SLC25A27: variants seen among roughly 807,000 people sequenced by gnomAD.
The protein encoded by SLC25A27 is mitochondrial uncoupling protein 4.
Under a neutral mutation model 49.1 loss-of-function variants are expected in SLC25A27, and 35 were observed. That is an observed-to-expected ratio of 0.71 (90% CI 0.54 to 0.95). The LOEUF is 0.95. Ranked by LOEUF, SLC25A27 falls within the 40% of genes least tolerant of loss-of-function variation. The pLI, the probability that SLC25A27 is intolerant of heterozygous loss-of-function variation, is 0.00. For missense variants in SLC25A27, 339 were observed against 397.1 expected (o/e 0.85, Z 1.24); for synonymous variants, 144 against 136.9 (o/e 1.05, Z -0.36).
chr6:46,673,338 C>A (rs191862623), intron 8 of SLC25A27, among the ~76,000 whole-genome samples: 51 of 152,262 alleles, frequency 3.3e-4, no homozygotes, highest in African/African-American at 1.2e-3. Context: ...CATCAAAAGT[C>A]TAAATAGCTT....
At chr6:46,672,668 G>C (rs1381548324) in intron 8 of SLC25A27, among the ~76,000 whole-genome samples, 1 of 152,046 alleles carries the variant, frequency 6.6e-6, no homozygotes, top group African/African-American at 2.4e-5. Flanking sequence ...CCTAAAACGG[G>C]GATCATCTGC....
chr6:46,661,848 A>G (rs901215297), intron 3 of SLC25A27, among the ~76,000 whole-genome samples: 4 of 152,248 alleles, frequency 2.6e-5, no homozygotes, highest in Non-Finnish European at 5.9e-5. Context: ...GGCAAGGGAT[A>G]TAATAAAATA....
rs376523479 is a variant in SLC25A27 at position 46,676,284 on chromosome 6, T to C, written c.901-99T>C. The C allele has an allele frequency of 5.8e-5, 65 of 1,113,742 alleles. No homozygotes were observed. The Middle Eastern group carries it at 1.4e-3, about 25-fold the overall frequency. 69.0% of individuals were successfully genotyped at this position (1,113,742 alleles called of 1,614,324 possible). ...AAATATTTGTTTTCAGCCTAAGTGGTTGCAAAATGACTTTGTCATTCAAAT... is the reference window on the plus strand; with the variant it reads ...AAATATTTGTTTTCAGCCTAAGTGGCTGCAAAATGACTTTGTCATTCAAAT... On this transcript the variant is annotated intron_variant, in intron 8 of 8. Transcript: ENST00000371347.
intron 1 of SLC25A27, chr6:46,653,909 G>A: frequency 1.0e-6 from 1 of 954,020 alleles, no homozygotes; most frequent in Non-Finnish European, 1.2e-6. Context: ...AGGGACTGTG[G>A]ATATATATTT....
intron 1 of SLC25A27, chr6:46,653,837 G>T (rs1762864138): frequency 2.0e-6 from 2 of 985,256 alleles, no homozygotes; most frequent in Non-Finnish European, 2.4e-6. Context: ...AATAATATAT[G>T]ATTGCTAAAC....
At chr6:46,655,295 A>G (rs1318331546) in intron 1 of SLC25A27, among the ~76,000 whole-genome samples, 2 of 152,292 alleles carry the variant, frequency 1.3e-5, no homozygotes, top group Middle Eastern at 3.4e-3. Context: ...CACCCACGAA[A>G]TTATAGAGTT....
chr6:46,653,199 G>A lies in SLC25A27; in HGVS notation c.7G>A (p.Val3Ile), dbSNP rs770393224. Residue 3 changes from valine (V) to isoleucine (I), a missense_variant, in exon 1 of 9, where the codon GTC becomes ATC. Coordinates refer to ENST00000371347, the MANE Select transcript of SLC25A27 (RefSeq NM_004277.5). ...CGTCTTGCGCTACTGCTGAATGTCCGTCCCGGAGGAGGAGGAGAGGCTTTT... is the reference window on the plus strand; with the variant it reads ...CGTCTTGCGCTACTGCTGAATGTCCATCCCGGAGGAGGAGGAGAGGCTTTT... The part of the protein sequence containing the change: MS[V>I]PEEEERLLPL... The A allele has an allele frequency of 6.2e-7, 1 of 1,613,294 alleles. No individual in the cohort carries two copies. Among genetic ancestry groups the A allele is most frequent in the South Asian group, 1.1e-5 (1 of 90,972 alleles).
chr6:46,653,057 A>G lies in SLC25A27; in HGVS notation c.-136A>G, dbSNP rs1411341229. The G allele has an allele frequency of 6.2e-6, 5 of 805,936 alleles. No individual in the cohort carries two copies. Among genetic ancestry groups the G allele is most frequent in the Non-Finnish European group, 1.0e-5 (5 of 502,146 alleles). The allele number at this position is 805,936 out of a possible 1,614,324, so 49.9% of individuals were successfully genotyped here. ...GGAAGGTTGCGGGTCCACCCGGCCG[A>G]GCCGAACGAGGGAAATGGTCCTCAC... On this transcript the variant is annotated 5_prime_UTR_variant, in exon 1 of 9. Coordinates refer to ENST00000371347, the MANE Select transcript of SLC25A27 (RefSeq NM_004277.5).
chr6:46,653,169 G>T lies in SLC25A27; in HGVS notation c.-24G>T, dbSNP rs757257995. ...GCAGCGCAGCGGCGAGAAGGAGTGC[G>T]TTATCGTCTTGCGCTACTGCTGAAT... On this transcript the variant is annotated 5_prime_UTR_variant, in exon 1 of 9. Transcript: ENST00000371347. The T allele has an allele frequency of 1.2e-6, 2 of 1,602,778 alleles. No individual in the cohort carries two copies. Among genetic ancestry groups the T allele is most frequent in the South Asian group, 1.1e-5 (1 of 90,030 alleles).
At chr6:46,660,109 A>G (rs1582500418) in intron 3 of SLC25A27, among the ~76,000 whole-genome samples, 1 of 152,100 alleles carries the variant, frequency 6.6e-6, no homozygotes, top group Non-Finnish European at 1.5e-5. Flanking sequence ...AAGATCTGCA[A>G]TATCTGGCCT....
At chr6:46,655,531 G>GTT (rs1283936753) in intron 1 of SLC25A27, among the ~76,000 whole-genome samples, 11 of 98,548 alleles carry the variant, frequency 1.1e-4, no homozygotes, top group African/African-American at 3.0e-4. Context: ...TATTGTTAAT[G>GTT]TTTGTTTTTT....
In SLC25A27 at chr6:46,671,141, A is replaced by G; in HGVS notation, c.813A>G (p.Lys271=). The G allele has an allele frequency of 1.9e-6, 3 of 1,599,586 alleles. No individual in the cohort carries two copies. Among genetic ancestry groups the G allele is most frequent in the Non-Finnish European group, 2.6e-6 (3 of 1,174,138 alleles). ...RDKQGRGLLY[K]SSTDCLIQAV... ...TCCTTTTTAGGGGACTTTTGTATAA[A>G]TCATCGACTGACTGCTTGATTCAGG... Residue 271 remains lysine, a synonymous_variant, in exon 8 of 9, where the codon AAA becomes AAG. Transcript: ENST00000371347.
chr6:46,673,068 C>T (rs1763615633), intron 8 of SLC25A27, among the ~76,000 whole-genome samples: 1 of 152,162 alleles, frequency 6.6e-6, no homozygotes, highest in South Asian at 2.1e-4. Context: ...ATAAACCAGG[C>T]ACTGTTATAA....
rs771185152 is a variant in SLC25A27 at position 46,677,743 on chromosome 6, CA to C, written c.*1290del. The C allele has an allele frequency of 3.3e-5, 5 of 152,364 alleles. No individual in the cohort carries two copies. The highest frequency in any genetic ancestry group is 7.4e-5 in the Non-Finnish European group (5 of 68,016). The allele number at this position is 152,364 out of a possible 1,614,324, so 9.4% of individuals were successfully genotyped here. The stretch of plus-strand genomic sequence containing the variant: ...TTAACACAGAAAAACATGAAAAGCT[CA>C]GGCCCAAGAAAGGCCTTGGAGCCAG... On this transcript the variant is annotated 3_prime_UTR_variant, in exon 9 of 9. Transcript: ENST00000371347.
At chr6:46,655,531 G>GTTTTTTTTTTTTTT (rs1283936753) in intron 1 of SLC25A27, among the ~76,000 whole-genome samples, 5 of 98,548 alleles carry the variant, frequency 5.1e-5, no homozygotes, top group African/African-American at 1.1e-4. Context: ...TATTGTTAAT[G>GTTTTTTTTTTTTTT]TTTGTTTTTT....
intron 4 of SLC25A27, 83 bp downstream of exon 4, chr6:46,662,581 C>G: frequency 7.1e-7 from 1 of 1,406,306 alleles, no homozygotes; most frequent in East Asian, 2.3e-5. Flanking sequence ...GAATTATCAT[C>G]CAGTATGCAG....
Position 46,664,848 on chromosome 6 carries a change from T to G in SLC25A27, c.581T>G (p.Val194Gly). The G allele has an allele frequency of 6.2e-7, 1 of 1,606,854 alleles. No individual in the cohort carries two copies. Among genetic ancestry groups the G allele is most frequent in the South Asian group, 1.1e-5 (1 of 89,858 alleles). Residue 194 changes from valine to glycine, a missense_variant, in exon 5 of 9, where the codon GTA becomes GGA. Val to Gly is a moderately radical substitution (Grantham distance 109, BLOSUM62 -3). Transcript: ENST00000371347. ...ATACGAGGGCTTTGGGCAGGCTGGG[T>G]ACCCAATATACAAAGAGCAGCACTG... Reference protein sequence around the residue: ...GGIRGLWAGWVPNIQRAALVN... With the variant: ...GGIRGLWAGWGPNIQRAALVN...
chr6:46,663,231 C>G (rs1471317018), intron 4 of SLC25A27, among the ~76,000 whole-genome samples: 1 of 152,072 alleles, frequency 6.6e-6, no homozygotes, highest in Non-Finnish European at 1.5e-5. Context: ...AAGGTAATTA[C>G]AGGATGACTT....
Position 46,668,604 on chromosome 6 carries a change from G to A in SLC25A27, c.620-105G>A, listed in dbSNP as rs1763400927. On this transcript the variant is annotated intron_variant, in intron 5 of 8. Coordinates refer to ENST00000371347, the MANE Select transcript of SLC25A27 (RefSeq NM_004277.5). ...CCTTGAGAACAAGAAGGATTCCTTG[G>A]TAGCTTTCATCCTGGTACACATTCC... 4 of 669,400 alleles carry A rather than the reference G, an allele frequency of 6.0e-6. No homozygotes were observed. In the Admixed American group the frequency reaches 9.1e-5, roughly 15 times the overall value. 41.5% of individuals were successfully genotyped at this position (669,400 alleles called of 1,614,324 possible).
Sources: gnomAD v4.1 joint callset for allele counts (sites outside exome capture counted in the v4.1 genomes callset) on GRCh38, gnomAD v4.1.1 for gene constraint, MANE v1.5 for transcripts, NCBI Gene and HGNC (gene_info 2026-07-23, HGNC 2026-07-21) for gene names.